Variants in FRMD4B observed in about 807,000 individuals in gnomAD.
FRMD4B encodes the protein FERM domain-containing protein 4B.
Under a neutral mutation model 141.5 loss-of-function variants are expected in FRMD4B, and 74 were observed. That is an observed-to-expected ratio of 0.52 (90% CI 0.43 to 0.63). The LOEUF is 0.63. FRMD4B is among the 30% of genes least tolerant of loss of function. FRMD4B has a pLI of 0.00. For missense variants in FRMD4B, 1,366 were observed against 1,253.4 expected, an observed-to-expected ratio of 1.09 and a Z score of -1.36; for synonymous variants, 506 against 467.9, an observed-to-expected ratio of 1.08 and a Z score of -1.05.
At chr3:69,448,429 T>C (rs893174031) in intron 1 of FRMD4B, among the ~76,000 whole-genome samples, 3 of 152,226 alleles carry the variant, frequency 2.0e-5, no homozygotes, top group African/African-American at 7.2e-5. Flanking sequence ...TTTAATTTTA[T>C]AAAAAACTGA....
At chr3:69,276,944 G>A (rs570904120) in intron 5 of FRMD4B, among the ~76,000 whole-genome samples, 25 of 152,274 alleles carry the variant, frequency 1.6e-4, no homozygotes, top group African/African-American at 5.3e-4. Flanking sequence ...CAGCCTGGGC[G>A]ACAGAACAAA....
At chr3:69,289,598 C>T (rs1700807150) in intron 4 of FRMD4B, among the ~76,000 whole-genome samples, 1 of 147,596 alleles carries the variant, frequency 6.8e-6, no homozygotes, top group Non-Finnish European at 1.5e-5. Flanking sequence ...GAGTTCCAGA[C>T]CATCCTGGCC....
At position 69,216,340 on chromosome 3, in the gene FRMD4B, C is replaced by G. The variant is rs1376542197; in HGVS notation, c.799G>C (p.Gly267Arg). ...CTTATTCCAAGCCACCAAGGAAGTC[C>G]TTGCTTATCCTAGAAGATGAAAAAG... ...VHYYAVKDKQGLPWWLGISYK... is the reference protein window; with the variant it reads ...VHYYAVKDKQRLPWWLGISYK... The change falls in exon 11 of 23, where the codon GGA (glycine) becomes CGA (arginine). Residue 267 changes from glycine to arginine, a missense_variant. Transcript: ENST00000398540. 6.5e-7 allele frequency: 1 copy of G among 1,535,312 alleles called. No homozygotes were observed. The highest frequency in any genetic ancestry group is 8.9e-7 in the Non-Finnish European group (1 of 1,121,056).
intron 1 of FRMD4B, among the ~76,000 whole-genome samples, chr3:69,518,864 A>G (rs971722883): frequency 6.6e-6 from 1 of 152,196 alleles, no homozygotes. Flanking sequence ...GGTTCCTCTG[A>G]GACCTGGATG....
chr3:69,206,576 C>G (rs577484075), intron 11 of FRMD4B, among the ~76,000 whole-genome samples: 16 of 152,200 alleles, frequency 1.1e-4, no homozygotes, highest in Admixed American at 6.5e-4. Flanking sequence ...CTCTCGTTAG[C>G]GTGCTCACTG....
chr3:69,384,737 C>T (rs1704207148), intron 1 of FRMD4B, among the ~76,000 whole-genome samples: 1 of 152,192 alleles, frequency 6.6e-6, no homozygotes, highest in Non-Finnish European at 1.5e-5. Flanking sequence ...CAAGGGGACG[C>T]TGACTCTTTA....
At chr3:69,319,724 C>A (rs1474838734) in intron 1 of FRMD4B, among the ~76,000 whole-genome samples, 1 of 152,200 alleles carries the variant, frequency 6.6e-6, no homozygotes, top group Non-Finnish European at 1.5e-5. Flanking sequence ...AGCACTCCAA[C>A]TGATGTTAGA....
exon 1 of FRMD4B, chr3:69,542,447 G>A: frequency 6.5e-6 from 1 of 153,590 alleles, no homozygotes; most frequent in Non-Finnish European, 1.4e-5. Context: ...GCCAGCGCCT[G>A]CCGCATCCCC....
At chr3:69,298,903 C>T (rs2107147034) in intron 4 of FRMD4B, among the ~76,000 whole-genome samples, 1 of 152,180 alleles carries the variant, frequency 6.6e-6, no homozygotes, top group Non-Finnish European at 1.5e-5. Flanking sequence ...TTCCATTAGG[C>T]TGTGTGCTTT....
intron 2 of FRMD4B, among the ~76,000 whole-genome samples, chr3:69,403,474 A>T (rs1230551038): frequency 2.0e-5 from 3 of 152,204 alleles, no homozygotes; most frequent in Non-Finnish European, 4.4e-5. Context: ...AACAGGGCTC[A>T]GTGACAGGGA....
chr3:69,308,979 G>T (rs541576866), intron 3 of FRMD4B, among the ~76,000 whole-genome samples: 4 of 152,100 alleles, frequency 2.6e-5, no homozygotes, highest in Admixed American at 6.5e-5. Flanking sequence ...ATATTCCTTT[G>T]ATTTATCTGT....
At chr3:69,372,457 G>A (rs1703853340) in intron 1 of FRMD4B, among the ~76,000 whole-genome samples, 1 of 152,218 alleles carries the variant, frequency 6.6e-6, no homozygotes, top group Non-Finnish European at 1.5e-5. Context: ...CCGAGGTTAG[G>A]AGATCGAGAC....
rs74350217 is a variant in FRMD4B at position 69,410,967 on chromosome 3, G to T, written c.-1+21667C>A. Among the ~76,000 whole-genome samples, 1,354 of 151,804 alleles carry T rather than the reference G, an allele frequency of 8.9e-3. 21 individuals carry two copies. Among genetic ancestry groups the T allele is most frequent in the African/African-American group, 0.031 (1,274 of 41,364 alleles). ...ATTTGTACCTGGCCTATAGAAGAGG[G>T]GCTGTAAGCCATAAGGGGTCAGCCA... is the stretch of plus-strand genomic sequence containing the variant. On this transcript the variant is annotated intron_variant, in intron 2 of 5. Transcript: ENST00000459638.
intron 4 of FRMD4B, among the ~76,000 whole-genome samples, chr3:69,291,910 CTTTTTTTTTTT>C (rs35703345): frequency 7.6e-5 from 8 of 105,538 alleles, no homozygotes; most frequent in African/African-American, 2.1e-4. Context: ...ACAGGAATCT[CTTTTTTTTTTT>C]TTTTTTTTTT....
chr3:69,178,698 A>C (rs1187133297), intron 21 of FRMD4B, among the ~76,000 whole-genome samples: 1 of 145,050 alleles, frequency 6.9e-6, no homozygotes, highest in Non-Finnish European at 1.5e-5. Context: ...AAAAAAAAGG[A>C]GCTGAGCTAG....
chr3:69,388,356 A>G (rs901524388), upstream of FRMD4B, among the ~76,000 whole-genome samples: 1 of 152,150 alleles, frequency 6.6e-6, no homozygotes, highest in Non-Finnish European at 1.5e-5. Context: ...GGGGCTCTCA[A>G]AGTGTGGTCA....
intron 1 of FRMD4B, among the ~76,000 whole-genome samples, chr3:69,481,185 T>C (rs993305649): frequency 9.2e-5 from 14 of 152,326 alleles, no homozygotes; most frequent in Admixed American, 2.0e-4. Flanking sequence ...TGCCTCGCCC[T>C]GCTTCAGCTT....
intron 1 of FRMD4B, among the ~76,000 whole-genome samples, chr3:69,516,484 T>C (rs933938498): frequency 1.3e-5 from 2 of 152,148 alleles, no homozygotes; most frequent in African/African-American, 2.4e-5. Context: ...CCAAGGAATA[T>C]AGGCAGCTCC....
chr3:69,513,638 A>C (rs1706725288), intron 1 of FRMD4B, among the ~76,000 whole-genome samples: 1 of 152,178 alleles, frequency 6.6e-6, no homozygotes, highest in Non-Finnish European at 1.5e-5. Context: ...TGATGAAAAA[A>C]CTTCAACAAA....
Sources: gnomAD v4.1 joint callset for allele counts (sites outside exome capture counted in the v4.1 genomes callset) on GRCh38, gnomAD v4.1.1 for gene constraint, MANE v1.5 for transcripts, NCBI Gene and HGNC (gene_info 2026-07-23, HGNC 2026-07-21) for gene names.